ATXN7L1: variants seen among roughly 807,000 people sequenced by gnomAD.
The protein encoded by ATXN7L1 is ataxin-7-like protein 1.
ATXN7L1 carries 15 observed loss-of-function variants against 70.8 expected under a neutral mutation model. That is an observed-to-expected ratio of 0.21 (90% CI 0.14 to 0.33). ATXN7L1 has a LOEUF of 0.33. Ranked by LOEUF, ATXN7L1 falls within the 10% of genes least tolerant of loss-of-function variation. The probability of loss-of-function intolerance (pLI) is 1.00; values close to 1 mark genes in which losing one functional copy is unlikely to be tolerated. For missense variants in ATXN7L1, 975 were observed against 1,097.1 expected, an observed-to-expected ratio of 0.89 and a Z score of 1.57; for synonymous variants, 440 against 445.1, an observed-to-expected ratio of 0.99 and a Z score of 0.14.
chr7:105,869,412 C>T (rs113438931), intron 2 of ATXN7L1, among the ~76,000 whole-genome samples: 4,876 of 152,278 alleles, frequency 0.032, 110 homozygotes, highest in Admixed American at 0.064. Context: ...GGAAGCTGTT[C>T]GCAGTTTCCC....
At chr7:105,725,332 C>A (rs1357359833) in intron 3 of ATXN7L1, among the ~76,000 whole-genome samples, 1 of 152,132 alleles carries the variant, frequency 6.6e-6, no homozygotes, top group Non-Finnish European at 1.5e-5. Flanking sequence ...CTTTGCACTC[C>A]CCATGCCGGA....
intron 2 of ATXN7L1, among the ~76,000 whole-genome samples, chr7:105,794,506 G>A (rs978309357): frequency 2.0e-4 from 30 of 152,200 alleles, no homozygotes; most frequent in African/African-American, 6.0e-4. Context: ...CCAGCACTTC[G>A]CTGACTAGTG....
intron 3 of ATXN7L1, among the ~76,000 whole-genome samples, chr7:105,676,255 A>G (rs1053024699): frequency 2.0e-5 from 3 of 152,170 alleles, no homozygotes; most frequent in African/African-American, 7.2e-5. Context: ...AGGACTCCAC[A>G]TGCATGGCAC....
rs367740494 is a variant in ATXN7L1, at chr7:105,733,589, T to C, written c.355+55015A>G. On this transcript the variant is annotated intron_variant, in intron 3 of 11. Transcript: ENST00000419735. ...ATCCTTCCATCCATCCACCCATCCA[T>C]CCATCCATCCATCCACCCATCCATC... Among the ~76,000 whole-genome samples, 148 of 108,304 alleles carry C rather than the reference T, an allele frequency of 1.4e-3. 1 individual carries two copies. Among genetic ancestry groups the C allele is most frequent in the African/African-American group, 1.9e-3 (50 of 25,816 alleles). The allele number at this position is 108,304 out of a possible 152,430, so 71.1% of individuals were successfully genotyped here. A position where few individuals can be genotyped will look rare whatever the true frequency, so the allele number is the denominator to read the frequency against.
At chr7:105,657,947 C>T (rs539538079) in intron 4 of ATXN7L1, among the ~76,000 whole-genome samples, 15 of 151,766 alleles carry the variant, frequency 9.9e-5, no homozygotes, top group African/African-American at 3.6e-4. Flanking sequence ...ATTTAGTGTC[C>T]AAATTGAGAT....
chr7:105,688,837 T>C (rs145809676), intron 3 of ATXN7L1, among the ~76,000 whole-genome samples: 1 of 152,320 alleles, frequency 6.6e-6, no homozygotes, highest in African/African-American at 2.4e-5. Flanking sequence ...GGTCTGAAAA[T>C]GTATGACTCC....
intron 2 of ATXN7L1, among the ~76,000 whole-genome samples, chr7:105,833,827 T>C (rs1216305188): frequency 1.3e-5 from 2 of 152,156 alleles, no homozygotes; most frequent in Non-Finnish European, 2.9e-5. Context: ...GGGGTATAGA[T>C]GATAAAACAA....
intron 3 of ATXN7L1, chr7:105,691,753 CCAAA>C (rs2116199466): frequency 6.6e-6 from 1 of 152,078 alleles, no homozygotes; most frequent in African/African-American, 2.4e-5. Flanking sequence ...AAGCCCAGCC[CCAAA>C]CAGAGCAACG....
chr7:105,801,423 A>G (rs1337864005), intron 2 of ATXN7L1, among the ~76,000 whole-genome samples: 1 of 152,234 alleles, frequency 6.6e-6, no homozygotes, highest in African/African-American at 2.4e-5. Flanking sequence ...GGAGTCGAGC[A>G]GAATGCTTTT....
intron 7 of ATXN7L1, among the ~76,000 whole-genome samples, chr7:105,627,200 C>A (rs956247512): frequency 2.6e-5 from 4 of 152,108 alleles, no homozygotes; most frequent in Admixed American, 2.6e-4. Flanking sequence ...ATAACAGCAT[C>A]ATGGTTATAT....
intron 3 of ATXN7L1, among the ~76,000 whole-genome samples, chr7:105,727,478 G>A (rs568852907): frequency 3.3e-5 from 5 of 151,544 alleles, no homozygotes; most frequent in African/African-American, 1.2e-4. Context: ...AGACCAGCCC[G>A]GCCAACATGG....
At chr7:105,717,989 C>T (rs1794762784) in intron 3 of ATXN7L1, among the ~76,000 whole-genome samples, 1 of 152,068 alleles carries the variant, frequency 6.6e-6, no homozygotes, top group African/African-American at 2.4e-5. Context: ...ATAACTGTTT[C>T]TTAAGACAAC....
chr7:105,644,794 A>ATCT (rs1394059378), intron 4 of ATXN7L1, among the ~76,000 whole-genome samples: 1 of 152,248 alleles, frequency 6.6e-6, no homozygotes, highest in Non-Finnish European at 1.5e-5. Flanking sequence ...AAGTTAAGAA[A>ATCT]TCAGGGTCCT....
intron 3 of ATXN7L1, among the ~76,000 whole-genome samples, chr7:105,756,321 G>A (rs983540342): frequency 1.3e-5 from 2 of 152,184 alleles, no homozygotes; most frequent in African/African-American, 4.8e-5. Flanking sequence ...TTTCTCATGA[G>A]CATGTGGGCA....
chr7:105,754,687 T>C (rs1016900959), intron 3 of ATXN7L1, among the ~76,000 whole-genome samples: 1 of 152,198 alleles, frequency 6.6e-6, no homozygotes, highest in African/African-American at 2.4e-5. Context: ...CTTGAATTCC[T>C]GGCTTCAAGC....
intron 3 of ATXN7L1, chr7:105,678,078 C>T (rs1213230918): frequency 1.1e-5 from 9 of 787,878 alleles, no homozygotes; most frequent in Non-Finnish European, 1.4e-5. Context: ...TCAACATATG[C>T]GTACAGACAC....
intron 3 of ATXN7L1, among the ~76,000 whole-genome samples, chr7:105,732,512 T>C (rs1053152265): frequency 5.9e-5 from 9 of 152,136 alleles, no homozygotes; most frequent in African/African-American, 1.9e-4. Flanking sequence ...CTTCAGATGA[T>C]AGTGGAAATA....
At chr7:105,627,042 A>G (rs1795806929) in intron 7 of ATXN7L1, among the ~76,000 whole-genome samples, 1 of 152,160 alleles carries the variant, frequency 6.6e-6, no homozygotes, top group African/African-American at 2.4e-5. Context: ...TGAATATATC[A>G]CAATTTACTT....
intron 3 of ATXN7L1, among the ~76,000 whole-genome samples, chr7:105,742,908 G>A (rs775634718): frequency 1.3e-4 from 20 of 151,988 alleles, no homozygotes; most frequent in Non-Finnish European, 1.9e-4. Context: ...GTATCTTCCA[G>A]CATCCCACGA....
Sources: gnomAD v4.1 joint callset for allele counts (sites outside exome capture counted in the v4.1 genomes callset) on GRCh38, gnomAD v4.1.1 for gene constraint, MANE v1.5 for transcripts, NCBI Gene and HGNC (gene_info 2026-07-23, HGNC 2026-07-21) for gene names.